VAMP5: variants seen among roughly 807,000 people sequenced by gnomAD.
VAMP5 encodes the protein vesicle-associated membrane protein 5.
A neutral mutation model predicts 8.1 loss-of-function variants in VAMP5; 10 were observed. The observed-to-expected ratio is 1.23, with a 90% CI of 0.76 to 2.09. VAMP5 has a LOEUF of 2.09. VAMP5 is among the 30% of genes most tolerant of loss of function. The pLI is 0.00. For missense variants in VAMP5, 135 were observed against 152.5 expected (o/e 0.89, Z 0.60); for synonymous variants, 62 against 60.6 (o/e 1.02, Z -0.11).
rs775535778 is a variant in VAMP5 at position 85,593,380 on chromosome 2, C to T, written c.*223C>T. ...CCCACCTGGAGCTCAGTAAAAACTG[C>T]TGTTTGATTAAAAGCTGGTATCTGT... On this transcript the variant is annotated 3_prime_UTR_variant, in exon 3 of 3. Coordinates refer to ENST00000306384, the MANE Select transcript of VAMP5 (RefSeq NM_006634.3). 43 of 588,340 alleles carry T rather than the reference C, an allele frequency of 7.3e-5. No homozygotes were observed. Among genetic ancestry groups the T allele is most frequent in the Non-Finnish European group, 1.2e-4 (41 of 330,440 alleles). The allele number at this position is 588,340 out of a possible 1,614,324, so 36.4% of individuals were successfully genotyped here.
At chr2:85,592,800 C>CAAAAAAAA (rs375145374) in intron 2 of VAMP5, 148 bp from the exon 3 acceptor site, 49 of 513,890 alleles carry the variant, frequency 9.5e-5, no homozygotes, top group South Asian at 1.5e-4. Context: ...GACTCCTTCT[C>CAAAAAAAA]AAAAAAAAAA....
intron 1 of VAMP5, among the ~76,000 whole-genome samples, chr2:85,584,817 G>C (rs1424863440): frequency 2.0e-5 from 3 of 152,238 alleles, no homozygotes; most frequent in South Asian, 2.1e-4. Flanking sequence ...TCTGTGACCC[G>C]GGACAAGTCA....
chr2:85,589,209 G>A (rs1319303728), intron 1 of VAMP5, among the ~76,000 whole-genome samples: 1 of 152,222 alleles, frequency 6.6e-6, no homozygotes, highest in Non-Finnish European at 1.5e-5. Flanking sequence ...GCGTAAGGCA[G>A]TATGGCCCTT....
chr2:85,590,494 C>A (rs911382052), intron 1 of VAMP5, among the ~76,000 whole-genome samples: 1 of 152,158 alleles, frequency 6.6e-6, no homozygotes, highest in Non-Finnish European at 1.5e-5. Context: ...GTATACCAAG[C>A]AGCTGCAAGG....
chr2:85,587,933 T>C (rs1196596172), intron 1 of VAMP5, among the ~76,000 whole-genome samples: 5 of 152,180 alleles, frequency 3.3e-5, no homozygotes, highest in Non-Finnish European at 1.5e-5. Context: ...GTTTCTTGGA[T>C]ACTAGACAGG....
chr2:85,588,879 T>C (rs1672500285), intron 1 of VAMP5, among the ~76,000 whole-genome samples: 1 of 152,056 alleles, frequency 6.6e-6, no homozygotes. Flanking sequence ...CATGGCACCC[T>C]CTCTGTGGCA....
chr2:85,591,297 T>C (rs1672534720), intron 1 of VAMP5, among the ~76,000 whole-genome samples: 1 of 152,198 alleles, frequency 6.6e-6, no homozygotes, highest in Non-Finnish European at 1.5e-5. Flanking sequence ...TCCAGCCAGG[T>C]AGCTTGGTTA....
rs1241326442 is a variant in VAMP5 at position 85,584,461 on chromosome 2, G to GGAGC, written c.-28_-25dup. The GGAGC allele has an allele frequency of 8.0e-7, 1 of 1,244,330 alleles. No individual in the cohort carries two copies. Among genetic ancestry groups the GGAGC allele is most frequent in the Non-Finnish European group, 1.0e-6 (1 of 995,074 alleles). 77.1% of individuals were successfully genotyped at this position (1,244,330 alleles called of 1,614,324 possible). Reference sequence around the variant, plus strand: ...GGCCGCTCCGCAGGCAGAGAAGCCGGGAGCGGGCGAGGCGGCGGCGGCAGC... The same window carrying GGAGC: ...GGCCGCTCCGCAGGCAGAGAAGCCGGGAGCGAGCGGGCGAGGCGGCGGCGGCAGC... On this transcript the variant is annotated 5_prime_UTR_variant, in exon 1 of 3. Coordinates refer to ENST00000306384, the MANE Select transcript of VAMP5 (RefSeq NM_006634.3).
intron 1 of VAMP5, among the ~76,000 whole-genome samples, chr2:85,588,434 A>G (rs1010339032): frequency 3.3e-5 from 5 of 152,108 alleles, no homozygotes; most frequent in South Asian, 2.1e-4. Flanking sequence ...CCCTGGCTCA[A>G]AATTCCAAGC....
At chr2:85,590,084 C>G (rs527979786) in intron 1 of VAMP5, among the ~76,000 whole-genome samples, 1 of 152,292 alleles carries the variant, frequency 6.6e-6, no homozygotes, top group South Asian at 2.1e-4. Flanking sequence ...TTTCCCTGCT[C>G]TCTTCGTTGT....
In VAMP5 at chr2:85,584,526, G is replaced by A. The variant is rs374951489; in HGVS notation, c.3+33G>A. ...CCCAGGCGGGGCCGGCCAGCCCTGCGACGGGCAGAGGGCGAGTGGCGAGGG... is the reference window on the plus strand; with the variant it reads ...CCCAGGCGGGGCCGGCCAGCCCTGCAACGGGCAGAGGGCGAGTGGCGAGGG... On this transcript the variant is annotated intron_variant, in intron 1 of 2. Transcript: ENST00000306384. The A allele has an allele frequency of 3.1e-4, 386 of 1,237,354 alleles. 5 individuals are homozygous for A. The South Asian group carries it at 6.6e-3, about 21-fold the overall frequency. 76.6% of individuals were successfully genotyped at this position (1,237,354 alleles called of 1,614,324 possible). A position where few individuals can be genotyped will look rare whatever the true frequency, so the allele number is the denominator to read the frequency against.
intron 2 of VAMP5, among the ~76,000 whole-genome samples, 154 bp from the exon 3 acceptor site, chr2:85,592,794 C>A (rs1672560908): frequency 1.3e-5 from 1 of 78,296 alleles, no homozygotes; most frequent in African/African-American, 6.4e-5. Flanking sequence ...GGGAGAGACT[C>A]CTTCTCAAAA....
chr2:85,584,588 T>A, intron 1 of VAMP5, 95 bp downstream of exon 1: 1 of 1,216,790 alleles, frequency 8.2e-7, no homozygotes, highest in Non-Finnish European at 1.0e-6. Flanking sequence ...GGCTGGGGCC[T>A]CCCCTGGGGC....
intron 2 of VAMP5, among the ~76,000 whole-genome samples, chr2:85,592,091 G>T (rs1174582111): frequency 6.6e-6 from 1 of 152,072 alleles, no homozygotes; most frequent in Non-Finnish European, 1.5e-5. Flanking sequence ...TAGAAAACTG[G>T]TATCGTTTTT....
chr2:85,586,580 AAAACAAAC>A (rs77504879), intron 1 of VAMP5, among the ~76,000 whole-genome samples: 2 of 151,542 alleles, frequency 1.3e-5, no homozygotes, highest in Non-Finnish European at 2.9e-5. Context: ...TCTCAGAACA[AAAACAAAC>A]AAACAAACAA....
chr2:85,590,731 T>C (rs973684228), intron 1 of VAMP5, among the ~76,000 whole-genome samples: 3 of 152,158 alleles, frequency 2.0e-5, no homozygotes, highest in African/African-American at 7.2e-5. Flanking sequence ...GGAAGGAGTT[T>C]CTGTGGTTTG....
intron 1 of VAMP5, among the ~76,000 whole-genome samples, chr2:85,587,441 A>G (rs961635177): frequency 6.6e-6 from 1 of 151,714 alleles, no homozygotes; most frequent in Non-Finnish European, 1.5e-5. Flanking sequence ...TTTAGTAGAG[A>G]CAGGGCTTCA....
Position 85,593,023 on chromosome 2 carries a change from GTGGGGC to G in VAMP5, c.221_226del (p.Gly74_Leu75del), listed in dbSNP as rs766640843. On this transcript the variant is annotated inframe_deletion, in exon 3 of 3. Coordinates refer to ENST00000306384, the MANE Select transcript of VAMP5 (RefSeq NM_006634.3). Reference sequence around the variant, plus strand: ...GGAGAACATCCGTTACCGGATCTGCGTGGGGCTGGTGGTGGTTGGTGTCCTGCTCAT... The same window carrying G: ...GGAGAACATCCGTTACCGGATCTGCGTGGTGGTGGTTGGTGTCCTGCTCAT... 5 of 1,614,186 alleles carry G rather than the reference GTGGGGC, an allele frequency of 3.1e-6. No homozygotes were observed. The South Asian group carries it at 4.4e-5, about 14-fold the overall frequency.
intron 1 of VAMP5, among the ~76,000 whole-genome samples, chr2:85,586,905 C>T (rs1672469534): frequency 6.6e-6 from 1 of 151,968 alleles, no homozygotes; most frequent in Non-Finnish European, 1.5e-5. Flanking sequence ...GAAACCCTGT[C>T]TCTACTAAAA....
Sources: gnomAD v4.1 joint callset for allele counts (sites outside exome capture counted in the v4.1 genomes callset) on GRCh38, gnomAD v4.1.1 for gene constraint, MANE v1.5 for transcripts, NCBI Gene and HGNC (gene_info 2026-07-23, HGNC 2026-07-21) for gene names.